Variants in CEACAM3 observed in about 807,000 individuals in gnomAD.
CEACAM3 encodes CEA cell adhesion molecule 3, also known as cell adhesion molecule CEACAM3.
A neutral mutation model predicts 30.1 loss-of-function variants in CEACAM3; 32 were observed. The observed-to-expected ratio is 1.06, with a 90% CI of 0.80 to 1.43. The LOEUF (loss-of-function observed/expected upper bound fraction) is 1.43. Among genes scored for constraint, CEACAM3 ranks in the 40% most tolerant of loss-of-function variants. CEACAM3 has a pLI of 0.00. For synonymous variants in CEACAM3, 134 were observed against 127.2 expected (o/e 1.05, Z -0.36); for missense variants, 290 against 316.3 (o/e 0.92, Z 0.63).
At chr19:41,809,863 T>C (rs1297616664) in intron 3 of CEACAM3, 102 bp from the exon 4 acceptor site, 2 of 1,155,492 alleles carry the variant, frequency 1.7e-6, no homozygotes, top group Non-Finnish European at 2.6e-6. Flanking sequence ...GAGGTCTCCA[T>C]GCCCATCCTT....
At chr19:41,806,079 G>A (rs1555826714) in intron 2 of CEACAM3, among the ~76,000 whole-genome samples, 1 of 152,120 alleles carries the variant, frequency 6.6e-6, no homozygotes, top group African/African-American at 2.4e-5. Context: ...TCAGGCTGGA[G>A]TGCAGTCGTG....
chr19:41,807,462 C>T, intron 2 of CEACAM3: 1 of 1,353,264 alleles, frequency 7.4e-7, no homozygotes, highest in South Asian at 1.3e-5. Context: ...CTCTCAGTCC[C>T]TCTCAAGTCC....
rs797042257 is a variant in CEACAM3, at chr19:41,803,461, GTT to G, written c.425-5349_425-5348del. 3.0e-3 allele frequency among the ~76,000 whole-genome samples: 226 copies of G among 74,142 alleles called. 3 individuals carry two copies. The highest frequency in any genetic ancestry group is 7.7e-3 in the African/African-American group (222 of 29,010). The allele number at this position is 74,142 out of a possible 152,430, so 48.6% of individuals were successfully genotyped here. ...GTGTGTGTGTGTGTGTGTGTGTGTT[GTT>G]TTGTTTGTTTTTTTTTTTTTTGAGA... On this transcript the variant is annotated intron_variant, in intron 2 of 6. Transcript: ENST00000357396.
rs782101647 is a variant in CEACAM3, at chr19:41,808,842, G to C, written c.454G>C (p.Ala152Pro). 1 of 1,611,898 alleles carries C rather than the reference G, an allele frequency of 6.2e-7. No homozygotes were observed. Among genetic ancestry groups the C allele is most frequent in the Non-Finnish European group, 8.5e-7 (1 of 1,178,862 alleles). ...QENAPGLPVG[A>P]VAGIVTGVLV... Reference sequence around the variant, plus strand: ...AAATGCCCCAGGCCTTCCTGTGGGGGCCGTCGCCGGCATCGTGACCGGGGT... The same window carrying C: ...AAATGCCCCAGGCCTTCCTGTGGGGCCCGTCGCCGGCATCGTGACCGGGGT... The change falls in exon 3 of 7, where the codon GCC becomes CCC. Residue 152 changes from alanine to proline, a missense_variant. Transcript: ENST00000357396.
intron 2 of CEACAM3, among the ~76,000 whole-genome samples, chr19:41,800,506 C>A (rs976429953): frequency 1.3e-5 from 2 of 152,204 alleles, no homozygotes; most frequent in African/African-American, 4.8e-5. Flanking sequence ...TCGCAGTTAT[C>A]CGGAGGCCTA....
Position 41,808,840 on chromosome 19 carries a change from G to A in CEACAM3, c.452G>A (p.Gly151Glu). 6.2e-7 allele frequency: 1 copy of A among 1,612,212 alleles called. No individual in the cohort carries two copies. The highest frequency in any genetic ancestry group is 8.5e-7 in the Non-Finnish European group (1 of 1,179,052). The change falls in exon 3 of 7, where the codon GGG becomes GAG. Residue 151 changes from glycine to glutamate, a missense_variant. Physicochemically the swap from Gly to Glu is moderately conservative, Grantham distance 98. Transcript: ENST00000357396. ...GAAAATGCCCCAGGCCTTCCTGTGG[G>A]GGCCGTCGCCGGCATCGTGACCGGG... ...YQENAPGLPV[G>E]AVAGIVTGVL...
chr19:41,810,742 C>A, intron 5 of CEACAM3, 90 bp from the exon 6 acceptor site: 1 of 1,206,276 alleles, frequency 8.3e-7, no homozygotes, highest in Non-Finnish European at 1.2e-6. Flanking sequence ...GGGAAATGAC[C>A]AGAAGTAAAC....
Position 41,811,396 on chromosome 19 carries a change from T to G in CEACAM3, c.*159T>G. 3.1e-6 allele frequency: 2 copies of G among 647,452 alleles called. No homozygotes were observed. Among genetic ancestry groups the G allele is most frequent in the Non-Finnish European group, 2.7e-6 (1 of 367,554 alleles). 40.1% of individuals were successfully genotyped at this position (647,452 alleles called of 1,614,324 possible). On this transcript the variant is annotated 3_prime_UTR_variant, in exon 7 of 7. Coordinates refer to ENST00000357396, the MANE Select transcript of CEACAM3 (RefSeq NM_001815.5). ...GGGAGGGATGGGGGTCCCTGATGAA[T>G]ATCTGGAGACCTCGACAGCCTGCCC...
chr19:41,808,315 C>A (rs1229680497), intron 2 of CEACAM3, among the ~76,000 whole-genome samples: 2 of 152,214 alleles, frequency 1.3e-5, no homozygotes, highest in African/African-American at 4.8e-5. Flanking sequence ...GTCTCAGATT[C>A]TAACTCTGCA....
chr19:41,807,981 T>C (rs1555827021), intron 2 of CEACAM3, among the ~76,000 whole-genome samples: 1 of 152,176 alleles, frequency 6.6e-6, no homozygotes, highest in Non-Finnish European at 1.5e-5. Flanking sequence ...CGCCCATAAC[T>C]CAGCCACTGG....
intron 1 of CEACAM3, 55 bp from the exon 2 acceptor site, chr19:41,797,534 T>C (rs1600513232): frequency 1.9e-6 from 3 of 1,566,014 alleles, no homozygotes; most frequent in Non-Finnish European, 2.6e-6. Flanking sequence ...CAGGGCCCCA[T>C]CTTTCCATCC....
At chr19:41,796,774 G>C (rs781972766) in intron 1 of CEACAM3, 33 bp downstream of exon 1, 3 of 1,598,412 alleles carry the variant, frequency 1.9e-6, no homozygotes, top group Non-Finnish European at 2.6e-6. Flanking sequence ...TGGGCAAGAG[G>C]AGGGATCACA....
rs570055264 is a variant in CEACAM3, at chr19:41,796,953, A to T, written c.64+212A>T. Among the ~76,000 whole-genome samples the T allele has an allele frequency of 2.0e-5, 3 of 152,370 alleles. No homozygotes were observed. The East Asian group carries it at 5.8e-4, about 29-fold the overall frequency. ...GAAAATCCATTGATCATGTTTTCCA[A>T]GTTAATCATTACTGGCCACTACAAT... On this transcript the variant is annotated intron_variant, in intron 1 of 6. Coordinates refer to ENST00000357396, the MANE Select transcript of CEACAM3 (RefSeq NM_001815.5).
At position 41,808,853 on chromosome 19, in the gene CEACAM3, C is replaced by T. The variant is rs782320354; in HGVS notation, c.465C>T (p.Gly155=). 91 of 1,611,466 alleles carry T rather than the reference C, an allele frequency of 5.6e-5. No individual in the cohort carries two copies. The highest frequency in any genetic ancestry group is 5.9e-6 in the Non-Finnish European group (7 of 1,178,716). The part of the protein sequence containing the change: ...APGLPVGAVA[G]IVTGVLVGVA... ...GCCTTCCTGTGGGGGCCGTCGCCGGCATCGTGACCGGGGTCCTGGTCGGAG... is the reference window on the plus strand; with the variant it reads ...GCCTTCCTGTGGGGGCCGTCGCCGGTATCGTGACCGGGGTCCTGGTCGGAG... The change falls in exon 3 of 7, where the codon GGC becomes GGT. Residue 155 remains glycine (G), a synonymous_variant. Transcript: ENST00000357396.
chr19:41,798,230 A>T (rs955417603), intron 2 of CEACAM3, among the ~76,000 whole-genome samples: 1 of 152,166 alleles, frequency 6.6e-6, no homozygotes, highest in Admixed American at 6.5e-5. Flanking sequence ...TGGTCTCCCC[A>T]TGGACCTGAC....
chr19:41,805,965 CTCTT>C (rs2073195046), intron 2 of CEACAM3, among the ~76,000 whole-genome samples: 4 of 152,178 alleles, frequency 2.6e-5, no homozygotes. Context: ...TGTCCCCGCC[CTCTT>C]TCTAAGTTGG....
chr19:41,810,164 A>G (rs1454003378), intron 4 of CEACAM3, 147 bp downstream of exon 4: 3 of 1,266,756 alleles, frequency 2.4e-6, no homozygotes, highest in South Asian at 1.3e-5. Flanking sequence ...GGGGACCCCA[A>G]TTGCTTGGGT....
At chr19:41,811,015 G>A (rs2073245790) in intron 6 of CEACAM3, 118 bp downstream of exon 6, 10 of 1,270,280 alleles carry the variant, frequency 7.9e-6, no homozygotes, top group Middle Eastern at 3.8e-4. Context: ...AAGAACGGGG[G>A]TGGCGAGCAG....
intron 2 of CEACAM3, among the ~76,000 whole-genome samples, chr19:41,806,464 A>G (rs1272527370): frequency 6.6e-6 from 1 of 152,184 alleles, no homozygotes; most frequent in Non-Finnish European, 1.5e-5. Context: ...TCAGCCAGGC[A>G]GTCAGCCATC....
Sources: allele counts gnomAD v4.1 joint callset (sites outside exome capture counted in the v4.1 genomes callset), GRCh38; gene constraint gnomAD v4.1.1; transcripts MANE v1.5; gene names NCBI Gene and HGNC (gene_info 2026-07-23, HGNC 2026-07-21).